MYRIP: variants seen among roughly 807,000 people sequenced by gnomAD.
MYRIP encodes myosin VIIA and Rab interacting protein.
A neutral mutation model predicts 98.0 loss-of-function variants in MYRIP; 49 were observed. That is an observed-to-expected ratio of 0.50 (90% CI 0.40 to 0.63). MYRIP has a LOEUF of 0.63. Ranked by LOEUF, MYRIP falls within the 30% of genes least tolerant of loss-of-function variation. The pLI is 0.00. For synonymous variants in MYRIP, 404 were observed against 409.5 expected, an observed-to-expected ratio of 0.99 and a Z score of 0.16; for missense variants, 1,004 against 1,058.2, an observed-to-expected ratio of 0.95 and a Z score of 0.71.
intron 3 of MYRIP, among the ~76,000 whole-genome samples, chr3:40,133,610 G>A (rs765169860): frequency 3.3e-5 from 5 of 152,196 alleles, no homozygotes; most frequent in African/African-American, 7.2e-5. Flanking sequence ...AGTGGCTGAT[G>A]CCTGTAATCC....
At chr3:40,210,375 C>A (rs1951893972) in intron 11 of MYRIP, among the ~76,000 whole-genome samples, 1 of 152,156 alleles carries the variant, frequency 6.6e-6, no homozygotes, top group Admixed American at 6.5e-5. Flanking sequence ...TGCCCCTTAT[C>A]CCTCTCACTG....
At chr3:39,907,598 A>T (rs1943909502) in intron 2 of MYRIP, among the ~76,000 whole-genome samples, 1 of 152,198 alleles carries the variant, frequency 6.6e-6, no homozygotes, top group Non-Finnish European at 1.5e-5. Context: ...GATGATCAGC[A>T]GGAGACTTTG....
At chr3:39,841,355 T>C (rs191342754) in intron 1 of MYRIP, among the ~76,000 whole-genome samples, 1 of 152,244 alleles carries the variant, frequency 6.6e-6, no homozygotes, top group East Asian at 1.9e-4. Flanking sequence ...TCCTGTAACC[T>C]TTTATCAATC....
At chr3:39,937,753 A>G (rs2125706244) in intron 2 of MYRIP, among the ~76,000 whole-genome samples, 1 of 152,350 alleles carries the variant, frequency 6.6e-6, no homozygotes, top group African/African-American at 2.4e-5. Context: ...AACTTTCATA[A>G]CAATAGTGAA....
chr3:39,837,356 G>A (rs1441074208), intron 1 of MYRIP, among the ~76,000 whole-genome samples: 1 of 152,074 alleles, frequency 6.6e-6, no homozygotes, highest in Admixed American at 6.5e-5. Flanking sequence ...TAGGTCTTAT[G>A]TTTAAGTCTT....
At chr3:40,137,061 CA>C in intron 3 of MYRIP, among the ~76,000 whole-genome samples, 1 of 148,684 alleles carries the variant, frequency 6.7e-6, no homozygotes. Context: ...AATAGAGACA[CA>C]AAAAACCCTT....
At chr3:40,015,807 GAAC>G (rs1033501685) in intron 2 of MYRIP, among the ~76,000 whole-genome samples, 7 of 152,172 alleles carry the variant, frequency 4.6e-5, no homozygotes, top group Admixed American at 1.3e-4. Flanking sequence ...TGATAAAACT[GAAC>G]AACACCTATA....
At chr3:39,875,966 G>T (rs536843238) in intron 1 of MYRIP, among the ~76,000 whole-genome samples, 17 of 152,010 alleles carry the variant, frequency 1.1e-4, no homozygotes, top group Non-Finnish European at 2.1e-4. Context: ...TTATTATTGT[G>T]TGGGAGTCTA....
intron 3 of MYRIP, among the ~76,000 whole-genome samples, chr3:40,072,091 T>C (rs745561880): frequency 7.9e-5 from 12 of 152,232 alleles, no homozygotes; most frequent in Non-Finnish European, 1.6e-4. Flanking sequence ...ATTCAGTGGC[T>C]CAGGGGCCGG....
At chr3:39,965,946 G>C (rs1374029810) in intron 2 of MYRIP, among the ~76,000 whole-genome samples, 1 of 152,146 alleles carries the variant, frequency 6.6e-6, no homozygotes, top group Non-Finnish European at 1.5e-5. Context: ...TGTTCCTTTT[G>C]TGGTTGCAAT....
At chr3:39,878,930 G>T (rs1385776571) in intron 1 of MYRIP, among the ~76,000 whole-genome samples, 1 of 151,654 alleles carries the variant, frequency 6.6e-6, no homozygotes, top group African/African-American at 2.4e-5. Flanking sequence ...GCTGGGCATG[G>T]TGGCGCACGC....
intron 3 of MYRIP, among the ~76,000 whole-genome samples, chr3:40,136,395 A>T (rs925203302): frequency 1.3e-5 from 2 of 152,198 alleles, no homozygotes; most frequent in Admixed American, 6.5e-5. Context: ...AAGGCCTTAG[A>T]AACCTACAAA....
chr3:40,235,801 C>T (rs1370260460), intron 12 of MYRIP, among the ~76,000 whole-genome samples: 1 of 152,120 alleles, frequency 6.6e-6, no homozygotes, highest in Non-Finnish European at 1.5e-5. Context: ...TGAGATCTAC[C>T]AGATGTCTGG....
chr3:40,012,199 C>G (rs1946773827), intron 2 of MYRIP, among the ~76,000 whole-genome samples: 2 of 152,164 alleles, frequency 1.3e-5, no homozygotes, highest in African/African-American at 4.8e-5. Flanking sequence ...GTTCTTCAAT[C>G]AAGTGTAGAT....
At position 40,258,505 on chromosome 3, in the gene MYRIP, C is replaced by A; in HGVS notation, c.*339C>A. 1 of 263,666 alleles carries A rather than the reference C, an allele frequency of 3.8e-6. No individual in the cohort carries two copies. Among genetic ancestry groups the A allele is most frequent in the Non-Finnish European group, 7.3e-6 (1 of 136,586 alleles). The allele number at this position is 263,666 out of a possible 1,614,324, so 16.3% of individuals were successfully genotyped here. On this transcript the variant is annotated 3_prime_UTR_variant, in exon 17 of 17. Transcript: ENST00000302541. The stretch of plus-strand genomic sequence containing the variant: ...TGACTTTAAGATCTTTTTTTAAATA[C>A]ATTTGATTCAGCTAGTATTCCATGT...
intron 3 of MYRIP, among the ~76,000 whole-genome samples, chr3:40,057,046 T>C (rs1051761090): frequency 6.6e-6 from 1 of 152,174 alleles, no homozygotes; most frequent in Admixed American, 6.6e-5. Context: ...ATAGTAACAG[T>C]GTTGCCGGCT....
chr3:39,959,591 G>T (rs557841995), intron 2 of MYRIP, among the ~76,000 whole-genome samples: 2 of 151,880 alleles, frequency 1.3e-5, no homozygotes, highest in East Asian at 3.9e-4. Flanking sequence ...GTTAATGGGT[G>T]CAGCACACCA....
chr3:40,159,229 T>G lies in MYRIP; in HGVS notation c.470-3501T>G, dbSNP rs1176774631. ...TCTCAGCATTTGCTTGTCTGTAAAGTATTTTATTTCTCCTTCACTTATGAA... is the reference window on the plus strand; with the variant it reads ...TCTCAGCATTTGCTTGTCTGTAAAGGATTTTATTTCTCCTTCACTTATGAA... On this transcript the variant is annotated intron_variant, in intron 4 of 16. Transcript: ENST00000302541. Among the ~76,000 whole-genome samples, 13 of 151,506 alleles carry G rather than the reference T, an allele frequency of 8.6e-5. No homozygotes were observed. The East Asian group carries it at 1.6e-3, about 18-fold the overall frequency.
chr3:40,114,912 C>T (rs768273233), intron 3 of MYRIP, among the ~76,000 whole-genome samples: 4 of 151,998 alleles, frequency 2.6e-5, no homozygotes, highest in Admixed American at 6.6e-5. Flanking sequence ...AATGCACACA[C>T]GGGCCTAAAA....
Sources: allele counts gnomAD v4.1 joint callset (sites outside exome capture counted in the v4.1 genomes callset), GRCh38; gene constraint gnomAD v4.1.1; transcripts MANE v1.5; gene names NCBI Gene and HGNC (gene_info 2026-07-23, HGNC 2026-07-21).